MSI2: variants seen among roughly 807,000 people sequenced by gnomAD.
MSI2 encodes musashi RNA binding protein 2.
MSI2 carries 17 observed loss-of-function variants against 45.6 expected under a neutral mutation model. The ratio of observed to expected loss-of-function variants is 0.37; its 90% CI spans 0.26 to 0.56. MSI2 has a LOEUF of 0.56. Among genes scored for constraint, MSI2 ranks in the 20% least tolerant of loss-of-function variants. The pLI is 0.77. For synonymous variants in MSI2, 156 were observed against 158.2 expected (o/e 0.99, Z 0.11); for missense variants, 293 against 444.2 (o/e 0.66, Z 3.06).
chr17:57,308,249 C>T (rs1912082314), intron 5 of MSI2, among the ~76,000 whole-genome samples: 1 of 152,132 alleles, frequency 6.6e-6, no homozygotes, highest in East Asian at 1.9e-4. Flanking sequence ...GTTAGCTACT[C>T]CTGATACCAC....
At chr17:57,350,226 G>T (rs1047904497) in intron 5 of MSI2, among the ~76,000 whole-genome samples, 6 of 41,032 alleles carry the variant, frequency 1.5e-4, no homozygotes, top group South Asian at 9.2e-4. Context: ...AGAGGTAGGG[G>T]TGTGTGTGTG....
chr17:57,444,049 G>T (rs562311404), intron 6 of MSI2, among the ~76,000 whole-genome samples: 1 of 152,124 alleles, frequency 6.6e-6, no homozygotes, highest in East Asian at 1.9e-4. Flanking sequence ...GACAAGAAAC[G>T]GGAGAACCTA....
chr17:57,395,599 G>C (rs1437650188), intron 5 of MSI2, among the ~76,000 whole-genome samples: 2 of 152,108 alleles, frequency 1.3e-5, no homozygotes, highest in African/African-American at 4.8e-5. Flanking sequence ...ATTTTAGAGG[G>C]GAGGTACCTT....
intron 10 of MSI2, among the ~76,000 whole-genome samples, chr17:57,639,114 C>T (rs1249998292): frequency 6.6e-6 from 1 of 152,184 alleles, no homozygotes; most frequent in Non-Finnish European, 1.5e-5. Context: ...ACTCCACCCT[C>T]ATGACCTAAT....
At chr17:57,441,601 T>A (rs1340185995) in intron 6 of MSI2, among the ~76,000 whole-genome samples, 1 of 152,228 alleles carries the variant, frequency 6.6e-6, no homozygotes, top group Non-Finnish European at 1.5e-5. Context: ...CAGGACCCTA[T>A]AAGACAAAGT....
chr17:57,416,975 G>T (rs8077477), intron 6 of MSI2, among the ~76,000 whole-genome samples: 9 of 152,096 alleles, frequency 5.9e-5, no homozygotes, highest in African/African-American at 1.2e-4. Context: ...CCCATGTGGG[G>T]CTTGTGGTCA....
At chr17:57,371,684 G>A (rs2083423988) in intron 5 of MSI2, among the ~76,000 whole-genome samples, 1 of 151,854 alleles carries the variant, frequency 6.6e-6, no homozygotes, top group Non-Finnish European at 1.5e-5. Flanking sequence ...TACTTTATTT[G>A]ACCAAAGCCT....
At chr17:57,357,751 G>A (rs1916538839) in intron 5 of MSI2, among the ~76,000 whole-genome samples, 2 of 152,178 alleles carry the variant, frequency 1.3e-5, no homozygotes, top group Admixed American at 6.5e-5. Context: ...TAAGAGGATT[G>A]TGCTTTCATT....
intron 5 of MSI2, among the ~76,000 whole-genome samples, chr17:57,324,688 C>G (rs975921784): frequency 1.3e-5 from 2 of 152,342 alleles, no homozygotes; most frequent in African/African-American, 4.8e-5. Context: ...CCTGAACCAG[C>G]AGAGGCCAAC....
chr17:57,443,250 TC>T (rs1213146161), intron 6 of MSI2, among the ~76,000 whole-genome samples: 1 of 152,182 alleles, frequency 6.6e-6, no homozygotes, highest in Non-Finnish European at 1.5e-5. Context: ...AGGTCTGGAC[TC>T]CTGCTTTTCC....
chr17:57,604,236 G>A (rs1906268188), intron 8 of MSI2, among the ~76,000 whole-genome samples: 1 of 152,216 alleles, frequency 6.6e-6, no homozygotes, highest in African/African-American at 2.4e-5. Flanking sequence ...TGTGACTTAA[G>A]ACTTGTAAGG....
At chr17:57,331,675 T>A (rs1323998329) in intron 5 of MSI2, among the ~76,000 whole-genome samples, 2 of 152,216 alleles carry the variant, frequency 1.3e-5, no homozygotes, top group Non-Finnish European at 2.9e-5. Flanking sequence ...CTGGAGGTGC[T>A]TGGCATGTAA....
intron 6 of MSI2, among the ~76,000 whole-genome samples, chr17:57,476,981 G>A (rs544820690): frequency 7.0e-4 from 107 of 152,014 alleles, no homozygotes; most frequent in Non-Finnish European, 1.3e-3. Context: ...CCTCACCCCC[G>A]TCTGGCCAGC....
At chr17:57,366,339 G>T (rs1168449172) in intron 5 of MSI2, among the ~76,000 whole-genome samples, 6 of 152,218 alleles carry the variant, frequency 3.9e-5, no homozygotes, top group Non-Finnish European at 8.8e-5. Flanking sequence ...GTCTCCCCCA[G>T]CCTGGGCCCT....
At chr17:57,563,743 C>CGT (rs2087650994) in intron 7 of MSI2, among the ~76,000 whole-genome samples, 2 of 127,174 alleles carry the variant, frequency 1.6e-5, no homozygotes, top group African/African-American at 3.7e-5. Context: ...CACACACAGG[C>CGT]GCGCACACAC....
chr17:57,649,689 T>C (rs1285858405), intron 10 of MSI2, among the ~76,000 whole-genome samples: 1 of 151,938 alleles, frequency 6.6e-6, no homozygotes, highest in African/African-American at 2.4e-5. Flanking sequence ...CCAGGTCATA[T>C]GGAAAATGTA....
chr17:57,415,638 C>T (rs2084280310), intron 6 of MSI2, among the ~76,000 whole-genome samples: 1 of 152,086 alleles, frequency 6.6e-6, no homozygotes, highest in Non-Finnish European at 1.5e-5. Flanking sequence ...GCCTGCATTC[C>T]CTTTCTGCTC....
At chr17:57,608,313 T>C (rs530761809) in intron 8 of MSI2, 1 of 152,544 alleles carries the variant, frequency 6.6e-6, no homozygotes, top group East Asian at 1.9e-4. Flanking sequence ...AGCAACAGGA[T>C]GGAATTGAAA....
chr17:57,477,716 T>C (rs2085568710), intron 6 of MSI2, among the ~76,000 whole-genome samples: 1 of 152,158 alleles, frequency 6.6e-6, no homozygotes, highest in Non-Finnish European at 1.5e-5. Flanking sequence ...TGCTAGGTGC[T>C]GGGGGTGGAG....
Sources: gnomAD v4.1 joint callset for allele counts (sites outside exome capture counted in the v4.1 genomes callset) on GRCh38, gnomAD v4.1.1 for gene constraint, MANE v1.5 for transcripts, NCBI Gene and HGNC (gene_info 2026-07-23, HGNC 2026-07-21) for gene names.